Variants in ZNF521 observed in about 807,000 individuals in gnomAD.
The protein encoded by ZNF521 is LYST-interacting protein 3.
In ZNF521, 14 loss-of-function variants were observed where a neutral mutation model predicts 105.5. The observed-to-expected ratio is 0.13, with a 90% CI of 0.09 to 0.21. The LOEUF (loss-of-function observed/expected upper bound fraction) is 0.21. ZNF521 is among the 10% of genes least tolerant of loss of function. The probability of loss-of-function intolerance (pLI) is 1.00; values close to 1 mark genes in which losing one functional copy is unlikely to be tolerated. For missense variants in ZNF521, 1,233 were observed against 1,629.7 expected, an observed-to-expected ratio of 0.76 and a Z score of 4.19; for synonymous variants, 635 against 606.0, an observed-to-expected ratio of 1.05 and a Z score of -0.70.
chr18:25,163,119 T>C (rs2035278557), intron 5 of ZNF521, among the ~76,000 whole-genome samples: 2 of 152,222 alleles, frequency 1.3e-5, no homozygotes, highest in South Asian at 4.1e-4. Flanking sequence ...GCTTGCTTTC[T>C]AATCAATGAA....
chr18:25,346,988 T>G (rs541022434), intron 2 of ZNF521, among the ~76,000 whole-genome samples: 1 of 152,188 alleles, frequency 6.6e-6, no homozygotes, highest in Non-Finnish European at 1.5e-5. Flanking sequence ...CAGTGCTTTT[T>G]GGAGTAAATT....
chr18:25,313,422 G>A (rs149505720), intron 3 of ZNF521, among the ~76,000 whole-genome samples: 51 of 152,028 alleles, frequency 3.4e-4, no homozygotes, highest in African/African-American at 1.1e-3. Context: ...CCAAGTAAAA[G>A]CTCCTTGTCA....
chr18:25,212,595 T>C (rs943796160), intron 4 of ZNF521, among the ~76,000 whole-genome samples: 2 of 137,578 alleles, frequency 1.5e-5, no homozygotes, highest in African/African-American at 5.5e-5. Flanking sequence ...TAAAACCTGT[T>C]GAAATTTTCA....
intron 5 of ZNF521, among the ~76,000 whole-genome samples, chr18:25,136,076 TTTG>T (rs1301854711): frequency 6.6e-6 from 1 of 152,168 alleles, no homozygotes; most frequent in African/African-American, 2.4e-5. Flanking sequence ...AATAAGCTAT[TTTG>T]TTAAAAGAAA....
intron 3 of ZNF521, among the ~76,000 whole-genome samples, chr18:25,263,421 G>A (rs376087525): frequency 6.6e-6 from 1 of 150,698 alleles, no homozygotes; most frequent in Non-Finnish European, 1.5e-5. Flanking sequence ...GCAGTGGCAC[G>A]ATCTTGGCTC....
At chr18:25,087,696 G>T (rs968123647) in intron 7 of ZNF521, among the ~76,000 whole-genome samples, 6 of 152,002 alleles carry the variant, frequency 3.9e-5, no homozygotes, top group Non-Finnish European at 8.8e-5. Context: ...CAGAAATTTA[G>T]ATTATTTTAA....
intron 3 of ZNF521, among the ~76,000 whole-genome samples, chr18:25,288,850 ATAAGT>A (rs1476158662): frequency 6.6e-6 from 1 of 152,238 alleles, no homozygotes; most frequent in East Asian, 1.9e-4. Flanking sequence ...ACAGTTGTAC[ATAAGT>A]TAAGAAATGG....
chr18:25,116,413 A>T (rs1340547936), intron 5 of ZNF521, among the ~76,000 whole-genome samples: 1 of 152,162 alleles, frequency 6.6e-6, no homozygotes, highest in South Asian at 2.1e-4. Context: ...ATTTAAAAAT[A>T]AACAAACTAC....
At chr18:25,083,778 T>TTTG (rs1443790742) in intron 7 of ZNF521, among the ~76,000 whole-genome samples, 2 of 106,028 alleles carry the variant, frequency 1.9e-5, no homozygotes, top group African/African-American at 6.6e-5. Flanking sequence ...TTGTTTGTTT[T>TTTG]CTTGAGACAA....
At chr18:25,166,147 C>T (rs1459251973) in intron 5 of ZNF521, among the ~76,000 whole-genome samples, 4 of 152,192 alleles carry the variant, frequency 2.6e-5, no homozygotes, top group African/African-American at 9.6e-5. Flanking sequence ...TTAAAACTCA[C>T]TTTCTCAACA....
At chr18:25,161,249 A>C (rs1267619128) in intron 5 of ZNF521, among the ~76,000 whole-genome samples, 2 of 152,076 alleles carry the variant, frequency 1.3e-5, no homozygotes, top group African/African-American at 2.4e-5. Context: ...TACCACACAC[A>C]CGGTGGTTGG....
rs564376908 is a variant in ZNF521, at chr18:25,143,250, C to T, written c.3659-51169G>A. Among the ~76,000 whole-genome samples, 4 of 152,242 alleles carry T rather than the reference C, an allele frequency of 2.6e-5. No homozygotes were observed. The East Asian group carries it at 7.7e-4, about 29-fold the overall frequency. ...CAAATATCTTATCTATGCTTTGTGACATCACAGGAGTTTCCCTAATAACTG... is the reference window on the plus strand; with the variant it reads ...CAAATATCTTATCTATGCTTTGTGATATCACAGGAGTTTCCCTAATAACTG... On this transcript the variant is annotated intron_variant, in intron 5 of 7. Transcript: ENST00000361524.
chr18:25,322,269 C>G (rs1912971153), intron 2 of ZNF521, 82 bp from the exon 3 acceptor site: 2 of 1,380,096 alleles, frequency 1.4e-6, no homozygotes, highest in Non-Finnish European at 2.1e-6. Flanking sequence ...CTACCAAAAA[C>G]AGAAACACCA....
chr18:25,170,547 G>A (rs919752561), intron 5 of ZNF521, among the ~76,000 whole-genome samples: 1 of 152,120 alleles, frequency 6.6e-6, no homozygotes, highest in Non-Finnish European at 1.5e-5. Context: ...ACTAAGTGAT[G>A]AGTCTGTTGG....
At chr18:25,224,284 C>T (rs537638798) in intron 4 of ZNF521, 61 bp downstream of exon 4, 5 of 1,439,602 alleles carry the variant, frequency 3.5e-6, no homozygotes, top group Non-Finnish European at 4.8e-6. Context: ...AGAGTGTAAA[C>T]ATAAAGCAGG....
intron 3 of ZNF521, among the ~76,000 whole-genome samples, chr18:25,285,623 C>T (rs1170224378): frequency 6.6e-6 from 1 of 152,070 alleles, no homozygotes; most frequent in Admixed American, 6.5e-5. Flanking sequence ...ACAACCACCC[C>T]CTCACACGTA....
intron 2 of ZNF521, among the ~76,000 whole-genome samples, chr18:25,341,270 C>A (rs563309391): frequency 3.3e-5 from 5 of 152,330 alleles, no homozygotes; most frequent in Non-Finnish European, 7.3e-5. Flanking sequence ...TCTACGCCTG[C>A]ACATTTAATG....
At chr18:25,298,850 G>A (rs1911468292) in intron 3 of ZNF521, among the ~76,000 whole-genome samples, 1 of 152,172 alleles carries the variant, frequency 6.6e-6, no homozygotes, top group African/African-American at 2.4e-5. Context: ...TTCACAGAGT[G>A]AAATAAATCA....
chr18:25,280,394 T>C (rs1390066924), intron 3 of ZNF521, among the ~76,000 whole-genome samples: 1 of 151,318 alleles, frequency 6.6e-6, no homozygotes, highest in Non-Finnish European at 1.5e-5. Flanking sequence ...TTGGTTTTCA[T>C]CAGGATTGGG....
Sources: allele counts gnomAD v4.1 joint callset (sites outside exome capture counted in the v4.1 genomes callset), GRCh38; gene constraint gnomAD v4.1.1; transcripts MANE v1.5; gene names NCBI Gene and HGNC (gene_info 2026-07-23, HGNC 2026-07-21).